PCDHA13: variants seen among roughly 807,000 people sequenced by gnomAD.
The protein encoded by PCDHA13 is protocadherin alpha 13.
PCDHA13 carries 54 observed loss-of-function variants against 64.8 expected under a neutral mutation model. The ratio of observed to expected loss-of-function variants is 0.83; its 90% CI spans 0.67 to 1.04. PCDHA13 has a LOEUF of 1.04. Ranked by LOEUF, PCDHA13 falls within the 50% of genes least tolerant of loss-of-function variation. The pLI, the probability that PCDHA13 is intolerant of heterozygous loss-of-function variation, is 0.00. For missense variants in PCDHA13, 1,248 were observed against 1,254.3 expected (o/e 0.99, Z 0.08); for synonymous variants, 587 against 564.4 (o/e 1.04, Z -0.57).
chr5:140,989,681 A>C (rs1428237884), intron 3 of PCDHA13, among the ~76,000 whole-genome samples: 1 of 152,250 alleles, frequency 6.6e-6, no homozygotes, highest in Non-Finnish European at 1.5e-5. Flanking sequence ...CAGATTTCAA[A>C]GGAACGTGAA....
At chr5:140,933,133 G>T (rs782720038) in intron 1 of PCDHA13, among the ~76,000 whole-genome samples, 1 of 151,914 alleles carries the variant, frequency 6.6e-6, no homozygotes, top group Non-Finnish European at 1.5e-5. Context: ...AATAATAAAG[G>T]TAGATAGCCA....
intron 1 of PCDHA13, among the ~76,000 whole-genome samples, chr5:140,976,828 C>G (rs935294640): frequency 6.6e-6 from 1 of 152,262 alleles, no homozygotes; most frequent in Admixed American, 6.5e-5. Flanking sequence ...GTCTAATGAG[C>G]AAAACAGATA....
At chr5:141,000,223 G>A (rs1190945878) in intron 3 of PCDHA13, among the ~76,000 whole-genome samples, 2 of 151,642 alleles carry the variant, frequency 1.3e-5, no homozygotes, top group African/African-American at 4.8e-5. Flanking sequence ...AAATGCCTGT[G>A]TGGAGCTGAA....
rs1554180326 is a variant in PCDHA13 at position 140,883,861 on chromosome 5, G to A, written c.1593G>A (p.Leu531=). Residue 531 remains leucine (L), a synonymous_variant, in exon 1 of 4, where the codon TTG becomes TTA. Transcript: ENST00000289272. ...QPLDHEELEL[L]QFQVSARDSG... is the part of the protein sequence containing the mutation. ...TGGACCACGAGGAGCTGGAGCTGTT[G>A]CAGTTCCAGGTGAGCGCGCGCGACT... is the stretch of plus-strand genomic sequence containing the variant. 1.2e-6 allele frequency: 2 copies of A among 1,613,126 alleles called. No homozygotes were observed. Among genetic ancestry groups the A allele is most frequent in the South Asian group, 1.1e-5 (1 of 91,040 alleles).
Position 140,883,841 on chromosome 5 carries a change from C to T in PCDHA13, c.1573C>T (p.His525Tyr), listed in dbSNP as rs2059844881. ...GGTGTACGCGCTGCAGCCGTTGGAC[C>T]ACGAGGAGCTGGAGCTGTTGCAGTT... ...GKVYALQPLD[H>Y]EELELLQFQV... is the part of the protein sequence containing the mutation. Residue 525 changes from histidine to tyrosine, a missense_variant, in exon 1 of 4, where the codon CAC (histidine) becomes TAC (tyrosine). By Grantham distance (83) the His-to-Tyr change is moderately conservative (BLOSUM62 2). Coordinates refer to ENST00000289272, the MANE Select transcript of PCDHA13 (RefSeq NM_018904.3). 1 of 1,612,742 alleles carries T rather than the reference C, an allele frequency of 6.2e-7. No individual in the cohort carries two copies. Among genetic ancestry groups the T allele is most frequent in the Non-Finnish European group, 8.5e-7 (1 of 1,179,836 alleles).
intron 1 of PCDHA13, chr5:140,929,696 A>G (rs955159626): frequency 2.6e-5 from 7 of 266,458 alleles, no homozygotes; most frequent in African/African-American, 1.3e-4. Flanking sequence ...TCTGCTTTAT[A>G]TGAATATAAT....
chr5:140,993,071 G>A (rs1301535845), intron 3 of PCDHA13, among the ~76,000 whole-genome samples: 9 of 152,222 alleles, frequency 5.9e-5, no homozygotes, highest in African/African-American at 2.2e-4. Flanking sequence ...TGTTCCTGCA[G>A]TCTGCAATCA....
At chr5:140,968,634 A>T (rs782166097) in intron 1 of PCDHA13, 7 of 1,614,176 alleles carry the variant, frequency 4.3e-6, no homozygotes, top group Non-Finnish European at 5.9e-6. Flanking sequence ...CTTTTTTACC[A>T]TCTAGCCCAG....
chr5:140,938,180 A>G (rs913967767), intron 1 of PCDHA13, among the ~76,000 whole-genome samples: 2 of 152,166 alleles, frequency 1.3e-5, no homozygotes, highest in Non-Finnish European at 2.9e-5. Flanking sequence ...TCCTGGGCTC[A>G]AGCAATCCTC....
intron 1 of PCDHA13, chr5:140,928,113 G>C: frequency 6.2e-7 from 1 of 1,614,228 alleles, no homozygotes; most frequent in Admixed American, 1.7e-5. Context: ...ACCGGGAGCA[G>C]ATCAGTGAAT....
chr5:141,011,997 A>G lies in PCDHA13; in HGVS notation c.*2060A>G, dbSNP rs2098422641. ...TGTCTACTTTTAGCTTCATTCTCCCATATTTTGAAGGGTGTGTAACTTCAG... is the reference window on the plus strand; with the variant it reads ...TGTCTACTTTTAGCTTCATTCTCCCGTATTTTGAAGGGTGTGTAACTTCAG... On this transcript the variant is annotated 3_prime_UTR_variant, in exon 4 of 4. Coordinates refer to ENST00000289272, the MANE Select transcript of PCDHA13 (RefSeq NM_018904.3). 1 of 153,712 alleles carries G rather than the reference A, an allele frequency of 6.5e-6. No homozygotes were observed. Among genetic ancestry groups the G allele is most frequent in the Non-Finnish European group, 1.5e-5 (1 of 68,034 alleles). 9.5% of individuals were successfully genotyped at this position (153,712 alleles called of 1,614,324 possible).
chr5:140,983,429 T>G (rs2097050099), intron 3 of PCDHA13, among the ~76,000 whole-genome samples: 1 of 152,214 alleles, frequency 6.6e-6, no homozygotes, highest in South Asian at 2.1e-4. Flanking sequence ...AGACCACAAA[T>G]TGTGTCTACT....
intron 1 of PCDHA13, among the ~76,000 whole-genome samples, chr5:140,894,946 A>G (rs1463727802): frequency 6.6e-6 from 1 of 152,206 alleles, no homozygotes; most frequent in African/African-American, 2.4e-5. Flanking sequence ...ATTGTCATGA[A>G]ATGATAAAAA....
At chr5:140,918,412 A>G (rs1335591362) in intron 1 of PCDHA13, among the ~76,000 whole-genome samples, 5 of 152,252 alleles carry the variant, frequency 3.3e-5, no homozygotes, top group Middle Eastern at 3.4e-3. Context: ...TCTGGCCAGG[A>G]CTTCCAGTAG....
chr5:140,926,349 G>A (rs1405832516), intron 1 of PCDHA13: 2 of 152,260 alleles, frequency 1.3e-5, no homozygotes, highest in Admixed American at 1.3e-4. Flanking sequence ...CCCGACGCGC[G>A]GCTCCCAAAG....
At chr5:140,942,467 A>C (rs1428565418) in intron 1 of PCDHA13, among the ~76,000 whole-genome samples, 1 of 152,142 alleles carries the variant, frequency 6.6e-6, no homozygotes, top group Non-Finnish European at 1.5e-5. Context: ...AATACAATCA[A>C]ATTCAAGCTA....
chr5:140,959,763 C>A (rs2095510059), intron 1 of PCDHA13, among the ~76,000 whole-genome samples: 2 of 152,170 alleles, frequency 1.3e-5, no homozygotes, highest in South Asian at 4.1e-4. Flanking sequence ...TTTTAATATT[C>A]AGTAAGAACA....
At chr5:140,952,325 T>G in intron 1 of PCDHA13, among the ~76,000 whole-genome samples, 1 of 133,382 alleles carries the variant, frequency 7.5e-6, no homozygotes, top group Non-Finnish European at 1.6e-5. Context: ...GCAACAAGAG[T>G]GAAACTCCAT....
At chr5:140,969,933 C>T (rs2096370749) in intron 1 of PCDHA13, among the ~76,000 whole-genome samples, 1 of 152,192 alleles carries the variant, frequency 6.6e-6, no homozygotes, top group South Asian at 2.1e-4. Context: ...ATTTAGACAT[C>T]ATACTGAAGC....
Sources: allele counts gnomAD v4.1 joint callset (sites outside exome capture counted in the v4.1 genomes callset), GRCh38; gene constraint gnomAD v4.1.1; transcripts MANE v1.5; gene names NCBI Gene and HGNC (gene_info 2026-07-23, HGNC 2026-07-21).